The following OTOGL variants were observed in gnomAD, a reference collection of about 807,000 sequenced individuals.
The protein encoded by OTOGL is otogelin-like protein.
OTOGL carries 285 observed loss-of-function variants against 318.5 expected under a neutral mutation model. The ratio of observed to expected loss-of-function variants is 0.89; its 90% CI spans 0.81 to 0.99. The LOEUF (loss-of-function observed/expected upper bound fraction) is 0.99. Ranked by LOEUF, OTOGL falls within the 50% of genes least tolerant of loss-of-function variation. OTOGL has a pLI of 0.00. For synonymous variants in OTOGL, 987 were observed against 936.5 expected, an observed-to-expected ratio of 1.05 and a Z score of -0.99; for missense variants, 2,899 against 2,845.6, an observed-to-expected ratio of 1.02 and a Z score of -0.43.
At chr12:80,231,800 AT>A (rs763600811) in intron 8 of OTOGL, among the ~76,000 whole-genome samples, 7,809 of 140,222 alleles carry the variant, frequency 0.056, 470 homozygotes, top group African/African-American at 0.16. Context: ...TGACCAACTA[AT>A]TTTTTTTTTT....
intron 48 of OTOGL, 142 bp from the exon 49 acceptor site, chr12:80,356,665 A>G (rs1889921351): frequency 1.5e-6 from 1 of 658,460 alleles, no homozygotes; most frequent in Non-Finnish European, 2.4e-6. Context: ...AACCTGGTAT[A>G]TATCTTTCAT....
intron 22 of OTOGL, 139 bp from the exon 23 acceptor site, chr12:80,269,963 G>A: frequency 1.4e-6 from 1 of 710,582 alleles, no homozygotes; most frequent in Non-Finnish European, 2.3e-6. Flanking sequence ...CCAACAGCTT[G>A]TAAAAACTTC....
chr12:80,218,287 G>A (rs976326079), intron 5 of OTOGL, among the ~76,000 whole-genome samples: 9 of 152,054 alleles, frequency 5.9e-5, no homozygotes, highest in East Asian at 1.9e-4. Flanking sequence ...TTTTCTACCC[G>A]TATTTATGGA....
chr12:80,111,281 G>T (rs1869823462), intron 1 of OTOGL, among the ~76,000 whole-genome samples: 1 of 152,188 alleles, frequency 6.6e-6, no homozygotes, highest in Admixed American at 6.5e-5. Flanking sequence ...CTTGGCTCTT[G>T]TTGCCATTGC....
rs553908968 is a variant in OTOGL at position 80,177,669 on chromosome 12, G to T, written c.-19-31744G>T. Among the ~76,000 whole-genome samples the T allele has an allele frequency of 8.3e-4, 127 of 152,102 alleles. 1 individual carries two copies. The highest frequency in any genetic ancestry group is 2.7e-3 in the Admixed American group (41 of 15,288). ...GACATTTAATCTATAGATCAATTTT[G>T]GGGGAAATTATATCTAAACAATATT... is the stretch of plus-strand genomic sequence containing the variant. On this transcript the variant is annotated intron_variant, in intron 1 of 58. Transcript: ENST00000547103.
At chr12:80,246,373 G>C (rs1021854530) in intron 11 of OTOGL, among the ~76,000 whole-genome samples, 25 of 142,184 alleles carry the variant, frequency 1.8e-4, no homozygotes, top group Non-Finnish European at 3.3e-4. Flanking sequence ...TTAGCATGAA[G>C]GGTTGTTGAA....
chr12:80,112,849 C>T (rs1237101204), intron 1 of OTOGL, among the ~76,000 whole-genome samples: 1 of 151,888 alleles, frequency 6.6e-6, no homozygotes, highest in Non-Finnish European at 1.5e-5. Flanking sequence ...CCTCTTTGGA[C>T]CTCTGGTGGA....
chr12:80,100,981 A>G (rs1270523309), intron 1 of OTOGL, among the ~76,000 whole-genome samples: 1 of 152,174 alleles, frequency 6.6e-6, no homozygotes, highest in Admixed American at 6.6e-5. Context: ...CTGTATTCTT[A>G]TAGCACTGGG....
chr12:80,205,932 A>G (rs907307069), intron 1 of OTOGL, among the ~76,000 whole-genome samples: 2 of 152,140 alleles, frequency 1.3e-5, no homozygotes, highest in Admixed American at 6.5e-5. Context: ...AGTTGTTTTA[A>G]TGTGTTGGGT....
intron 1 of OTOGL, among the ~76,000 whole-genome samples, chr12:80,193,389 G>A (rs937742584): frequency 1.3e-5 from 2 of 152,058 alleles, no homozygotes; most frequent in African/African-American, 4.8e-5. Flanking sequence ...GGTGGTGCAT[G>A]CCTGTAGTCC....
intron 7 of OTOGL, among the ~76,000 whole-genome samples, chr12:80,226,036 A>G (rs1380149109): frequency 6.6e-6 from 1 of 152,064 alleles, no homozygotes; most frequent in East Asian, 1.9e-4. Flanking sequence ...ACTTCAACTA[A>G]TTTAGCTGTT....
At chr12:80,206,599 T>C (rs1876826947) in intron 1 of OTOGL, among the ~76,000 whole-genome samples, 1 of 152,118 alleles carries the variant, frequency 6.6e-6, no homozygotes, top group African/African-American at 2.4e-5. Flanking sequence ...AACCTTGACC[T>C]CCTGGGCTCA....
intron 1 of OTOGL, among the ~76,000 whole-genome samples, chr12:80,157,210 A>G (rs543445899): frequency 6.6e-6 from 1 of 152,178 alleles, no homozygotes; most frequent in East Asian, 1.9e-4. Flanking sequence ...ACACCTTTTC[A>G]TATGTCTGCT....
At chr12:80,220,311 C>G (rs750363815) in intron 6 of OTOGL, among the ~76,000 whole-genome samples, 50 of 152,084 alleles carry the variant, frequency 3.3e-4, no homozygotes, top group Non-Finnish European at 6.8e-4. Context: ...AGGTACCCAC[C>G]ATCATGTCTG....
chr12:80,194,030 C>T (rs1281075763), intron 1 of OTOGL, among the ~76,000 whole-genome samples: 2 of 152,144 alleles, frequency 1.3e-5, no homozygotes, highest in Admixed American at 1.3e-4. Context: ...TTTTAGCTGC[C>T]TCTGACTAAC....
chr12:80,349,126 G>T (rs1309255161), intron 44 of OTOGL, among the ~76,000 whole-genome samples: 1 of 151,828 alleles, frequency 6.6e-6, no homozygotes, highest in African/African-American at 2.4e-5. Flanking sequence ...AGATTAAATC[G>T]TGTGCATCAT....
intron 57 of OTOGL, among the ~76,000 whole-genome samples, chr12:80,372,602 A>G (rs1890944280): frequency 1.3e-5 from 2 of 152,100 alleles, no homozygotes; most frequent in South Asian, 2.1e-4. Flanking sequence ...CCTTTTCATA[A>G]AAGTTCTCAT....
intron 1 of OTOGL, among the ~76,000 whole-genome samples, chr12:80,172,958 C>T (rs1439046799): frequency 6.6e-6 from 1 of 152,084 alleles, no homozygotes; most frequent in East Asian, 1.9e-4. Flanking sequence ...GGAGGGAGCA[C>T]ATCAGGAAGA....
intron 1 of OTOGL, chr12:80,208,334 A>G (rs1408544607): frequency 1.2e-5 from 5 of 431,548 alleles, no homozygotes; most frequent in Non-Finnish European, 2.3e-5. Flanking sequence ...ACTTAATAGA[A>G]AAGACTCAGA....
Sources: gnomAD v4.1 joint callset for allele counts (sites outside exome capture counted in the v4.1 genomes callset) on GRCh38, gnomAD v4.1.1 for gene constraint, MANE v1.5 for transcripts, NCBI Gene and HGNC (gene_info 2026-07-23, HGNC 2026-07-21) for gene names.